Variants in PLAGL1 observed in about 807,000 individuals in gnomAD.
PLAGL1 encodes the protein zinc finger protein PLAGL1.
In PLAGL1, 1 loss-of-function variant was observed where a neutral mutation model predicts 4.6. That is an observed-to-expected ratio of 0.22 (90% confidence interval 0.08 to 1.03). PLAGL1 has a LOEUF of 1.03. Among genes scored for constraint, PLAGL1 ranks in the 50% least tolerant of loss-of-function variants. The pLI, the probability that PLAGL1 is intolerant of heterozygous loss-of-function variation, is 0.58. For missense variants in PLAGL1, 464 were observed against 570.4 expected (o/e 0.81, Z 1.90); for synonymous variants, 240 against 237.8 (o/e 1.01, Z -0.08).
Position 143,979,427 on chromosome 6 carries a change from C to T in PLAGL1, c.-544+5708G>A, listed in dbSNP as rs980932980. On this transcript the variant is annotated intron_variant, in intron 2 of 7. Coordinates refer to ENST00000674357, the MANE Select transcript of PLAGL1 (RefSeq NM_001317162.2). The surrounding 1 kb of genome is among the most constrained non-coding windows in gnomAD (Gnocchi z 4.6). ...CTAATTGCCTCAATTATTCTTTGTT[C>T]CTTTTCTTTCTTCTTTTGAATTGAT... Among the ~76,000 whole-genome samples, 7 of 151,844 alleles carry T rather than the reference C, an allele frequency of 4.6e-5. No homozygotes were observed. The highest frequency in any genetic ancestry group is 1.0e-4 in the Non-Finnish European group (7 of 67,894).
chr6:144,057,745 T>G (rs1237567587), intron 1 of PLAGL1, among the ~76,000 whole-genome samples: 2 of 149,930 alleles, frequency 1.3e-5, no homozygotes, highest in Non-Finnish European at 2.9e-5. Flanking sequence ...GCAAATGCCA[T>G]CCCATGCCTT....
In PLAGL1 at chr6:143,942,440, C is replaced by T; in HGVS notation, c.376G>A (p.Ala126Thr). 6.2e-7 allele frequency: 1 copy of T among 1,614,148 alleles called. No homozygotes were observed. Among genetic ancestry groups the T allele is most frequent in the Non-Finnish European group, 8.5e-7 (1 of 1,180,022 alleles). Residue 126 changes from alanine to threonine, a missense_variant, in exon 8 of 8, where the codon GCC becomes ACC. Coordinates refer to ENST00000674357, the MANE Select transcript of PLAGL1 (RefSeq NM_001317162.2). This position sits in a 1 kb window ranked among gnomAD's most constrained non-coding sequence, Gnocchi z 7.6. ...ACCTCGGTGCTCCCTAGCTCCAGGG[C>T]ACAGACCCCACAGGTGAGGTCCCCA... The part of the protein sequence containing the change: ...SSGDLTCGVC[A>T]LELGSTEVLL...
chr6:144,041,829 G>T (rs953282037), intron 1 of PLAGL1, among the ~76,000 whole-genome samples: 2 of 152,050 alleles, frequency 1.3e-5, no homozygotes, highest in Non-Finnish European at 2.9e-5. Flanking sequence ...CTATTTCTCC[G>T]CATCGTCTCC....
At position 143,953,787 on chromosome 6, in the gene PLAGL1, A is replaced by T. The variant is rs993212110; in HGVS notation, c.-324-5327T>A. Among the ~76,000 whole-genome samples the T allele has an allele frequency of 6.6e-6, 1 of 152,194 alleles. No individual in the cohort carries two copies. The highest frequency in any genetic ancestry group is 6.5e-5 in the Admixed American group (1 of 15,288). On this transcript the variant is annotated intron_variant, in intron 6 of 7. Transcript: ENST00000674357. The surrounding 1 kb of genome is among the most constrained non-coding windows in gnomAD (Gnocchi z 5.3). ...AGCCAGCATTAAGAGGCAACAAAAC[A>T]ACCTGCTATACCCTGAAGCATCTAC...
At chr6:144,025,190 T>G (rs1000315767) in intron 1 of PLAGL1, among the ~76,000 whole-genome samples, 1 of 152,146 alleles carries the variant, frequency 6.6e-6, no homozygotes, top group African/African-American at 2.4e-5. Context: ...AACCCCAGTC[T>G]AACCATAAGA....
rs1209453667 is a variant in PLAGL1 at position 143,948,938 on chromosome 6, C to T, written c.-324-478G>A. On this transcript the variant is annotated intron_variant, in intron 6 of 7. Transcript: ENST00000674357. The surrounding 1 kb of genome is among the most constrained non-coding windows in gnomAD (Gnocchi z 6.0). The stretch of plus-strand genomic sequence containing the variant: ...TGCTTATCACACCTGTTTAAACTTC[C>T]AGAGGATAAGAAATAATTTGTATAC... 6.6e-6 allele frequency among the ~76,000 whole-genome samples: 1 copy of T among 152,160 alleles called. No individual in the cohort carries two copies. Among genetic ancestry groups the T allele is most frequent in the Non-Finnish European group, 1.5e-5 (1 of 68,038 alleles).
Position 143,948,116 on chromosome 6 carries a change from C to T in PLAGL1, c.21G>A (p.Gln7=). 6.2e-7 allele frequency: 1 copy of T among 1,613,700 alleles called. No homozygotes were observed. Among genetic ancestry groups the T allele is most frequent in the East Asian group, 2.2e-5 (1 of 44,888 alleles). ...GGGTGAGGAACGTCTTGCCACATAA[C>T]TGGCAGGGGAACGTGGCCATGGGCT... MATFPC[Q]LCGKTFLTLE... The change falls in exon 7 of 8, where the codon CAG becomes CAA. Residue 7 remains glutamine (Q), a synonymous_variant. Transcript: ENST00000674357. The surrounding 1 kb of genome is among the most constrained non-coding windows in gnomAD (Gnocchi z 6.0).
chr6:144,055,354 G>T lies in PLAGL1; in HGVS notation c.-151+9114C>A, dbSNP rs1798889521. Among the ~76,000 whole-genome samples, 1 of 152,156 alleles carries T rather than the reference G, an allele frequency of 6.6e-6. No individual in the cohort carries two copies. Among genetic ancestry groups the T allele is most frequent in the African/African-American group, 2.4e-5 (1 of 41,424 alleles). On this transcript the variant is annotated intron_variant, in intron 1 of 3. Transcript: ENST00000437412. The surrounding 1 kb of genome is among the most constrained non-coding windows in gnomAD (Gnocchi z 5.0). ...CAGCACCAGAACCACAACCCACCAT[G>T]ACTTGCTGTGCTTGTTATACAAAAC...
rs562867427 is a variant in PLAGL1 at position 144,036,692 on chromosome 6, C to T, written c.-151+27776G>A. On this transcript the variant is annotated intron_variant, in intron 1 of 3. Transcript: ENST00000437412. This position sits in a 1 kb window ranked among gnomAD's most constrained non-coding sequence, Gnocchi z 5.1. ...GTGAGGCTTCTTCACTACTCAGGGA[C>T]GAAAGAAAGAGGAAAGAATGGAAAA... is the stretch of plus-strand genomic sequence containing the variant. The T allele has an allele frequency of 9.7e-5, 25 of 258,488 alleles. No homozygotes were observed. The highest frequency in any genetic ancestry group is 6.6e-4 in the South Asian group (17 of 25,822). The allele number at this position is 258,488 out of a possible 1,614,324, so 16.0% of individuals were successfully genotyped here. A position where few individuals can be genotyped will look rare whatever the true frequency, so the allele number is the denominator to read the frequency against.
chr6:143,971,824 G>A lies in PLAGL1; in HGVS notation c.-543-2846C>T, dbSNP rs1785478157. On this transcript the variant is annotated intron_variant, in intron 2 of 7. Transcript: ENST00000674357. The surrounding 1 kb of genome is among the most constrained non-coding windows in gnomAD (Gnocchi z 4.7). ...TTATCCATCTCAATCACTAAATTCG[G>A]TCAAGTAAAAGTCTACAAAATTCTA... Among the ~76,000 whole-genome samples, 1 of 152,162 alleles carries A rather than the reference G, an allele frequency of 6.6e-6. No individual in the cohort carries two copies. The highest frequency in any genetic ancestry group is 2.4e-5 in the African/African-American group (1 of 41,428).
At position 143,947,918 on chromosome 6, in the gene PLAGL1, G is replaced by T; in HGVS notation, c.152+67C>A. The T allele has an allele frequency of 7.4e-7, 1 of 1,347,268 alleles. No individual in the cohort carries two copies. Among genetic ancestry groups the T allele is most frequent in the Non-Finnish European group, 1.1e-6 (1 of 946,938 alleles). The allele number at this position is 1,347,268 out of a possible 1,614,324, so 83.5% of individuals were successfully genotyped here. ...TGTCCCTTTCCCCTTGCATCGTGTG[G>T]TCTGAGGGCTAGAAAAGCCATTTAA... On this transcript the variant is annotated intron_variant, in intron 7 of 7. Coordinates refer to ENST00000674357, the MANE Select transcript of PLAGL1 (RefSeq NM_001317162.2). The surrounding 1 kb of genome is among the most constrained non-coding windows in gnomAD (Gnocchi z 4.3).
In PLAGL1 at chr6:143,947,404, T is replaced by C. The variant is rs1162706640; in HGVS notation, c.152+581A>G. Among the ~76,000 whole-genome samples the C allele has an allele frequency of 6.6e-6, 1 of 152,268 alleles. No homozygotes were observed. The highest frequency in any genetic ancestry group is 2.4e-5 in the African/African-American group (1 of 41,474). ...TTTCTAGGATACTAAACGAATCATA[T>C]TTCTTCACTACTTATACACCTGAAT... On this transcript the variant is annotated intron_variant, in intron 7 of 7. Transcript: ENST00000674357. This position sits in a 1 kb window ranked among gnomAD's most constrained non-coding sequence, Gnocchi z 4.3.
chr6:144,062,855 T>A (rs1364046133), intron 1 of PLAGL1, among the ~76,000 whole-genome samples: 1 of 152,176 alleles, frequency 6.6e-6, no homozygotes, highest in Admixed American at 6.5e-5. Context: ...CATGCAGCCT[T>A]CAGACAGACC....
Position 143,941,917 on chromosome 6 carries a change from T to C in PLAGL1, c.899A>G (p.Asn300Ser). The C allele has an allele frequency of 2.5e-6, 4 of 1,611,492 alleles. No individual in the cohort carries two copies. Among genetic ancestry groups the C allele is most frequent in the African/African-American group, 2.7e-5 (2 of 74,938 alleles). Reference sequence around the variant, plus strand: ...GGTAGAAGTGGTGTTGTACTTGTGATTGGGAAGGGGTGGCGGAGGAGAGCC... The same window carrying C: ...GGTAGAAGTGGTGTTGTACTTGTGACTGGGAAGGGGTGGCGGAGGAGAGCC... ...SPGSPPPPLP[N>S]HKYNTTSTSY... Residue 300 changes from asparagine (N) to serine (S), a missense_variant, in exon 8 of 8, where the codon AAT (asparagine) becomes AGT (serine). By Grantham distance (46) the Asn-to-Ser change is conservative. Transcript: ENST00000674357. The surrounding 1 kb of genome is among the most constrained non-coding windows in gnomAD (Gnocchi z 6.0).
rs566821141 is a variant in PLAGL1, at chr6:144,023,535, G to A, written c.-151+40933C>T. On this transcript the variant is annotated intron_variant, in intron 1 of 3. Coordinates refer to the PLAGL1 transcript ENST00000437412. ...GCATAAAGACAAAAAGGAACTGCAC[G>A]AAAAATAAGCACCACACTCTAATTG... Among the ~76,000 whole-genome samples the A allele has an allele frequency of 1.7e-3, 253 of 152,220 alleles. 1 individual carries two copies. The highest frequency in any genetic ancestry group is 5.3e-3 in the African/African-American group (222 of 41,550).
rs1268730993 is a variant in PLAGL1 at position 144,048,303 on chromosome 6, C to T, written c.-151+16165G>A. The stretch of plus-strand genomic sequence containing the variant: ...ATCTAGCATTCTGGGATCTGGAGGA[C>T]AGTGGCCCTCTTCTCACAGCTCCAT... On this transcript the variant is annotated intron_variant, in intron 1 of 3. Transcript: ENST00000437412. This position sits in a 1 kb window ranked among gnomAD's most constrained non-coding sequence, Gnocchi z 4.8. 6.6e-6 allele frequency among the ~76,000 whole-genome samples: 1 copy of T among 152,164 alleles called. No individual in the cohort carries two copies. Among genetic ancestry groups the T allele is most frequent in the East Asian group, 1.9e-4 (1 of 5,198 alleles).
chr6:143,948,063 G>C lies in PLAGL1; in HGVS notation c.74C>G (p.Ser25Cys). The C allele has an allele frequency of 6.2e-7, 1 of 1,613,750 alleles. No homozygotes were observed. Among genetic ancestry groups the C allele is most frequent in the Non-Finnish European group, 8.5e-7 (1 of 1,179,630 alleles). The change falls in exon 7 of 8, where the codon TCC becomes TGC. Residue 25 changes from serine to cysteine, a missense_variant. Physicochemically the swap from Ser to Cys is moderately radical, Grantham distance 112. Coordinates refer to ENST00000674357, the MANE Select transcript of PLAGL1 (RefSeq NM_001317162.2). This position sits in a 1 kb window ranked among gnomAD's most constrained non-coding sequence, Gnocchi z 6.0. ...TLEKFTIHNY[S>C]HSRERPYKCV... is the part of the protein sequence containing the mutation. ...CTTGTACGGCCGCTCCCTGGAGTGG[G>C]AATAATTGTGAATCGTGAACTTCTC...
rs891675361 is a variant in PLAGL1, at chr6:144,050,192, A to C, written c.-151+14276T>G. On this transcript the variant is annotated intron_variant, in intron 1 of 3. Coordinates refer to the PLAGL1 transcript ENST00000437412. The surrounding 1 kb of genome is among the most constrained non-coding windows in gnomAD (Gnocchi z 4.3). ...AGGGAAATTGAGACCACCTAAGGGA[A>C]CAAGAGATTCACATTGCCCAGAACG... Among the ~76,000 whole-genome samples, 3 of 152,208 alleles carry C rather than the reference A, an allele frequency of 2.0e-5. No individual in the cohort carries two copies. The highest frequency in any genetic ancestry group is 2.9e-5 in the Non-Finnish European group (2 of 68,034).
chr6:143,942,694 A>G lies in PLAGL1; in HGVS notation c.153-31T>C. The G allele has an allele frequency of 6.4e-7, 1 of 1,564,002 alleles. No homozygotes were observed. Among genetic ancestry groups the G allele is most frequent in the Non-Finnish European group, 8.7e-7 (1 of 1,148,944 alleles). ...AGCAGAAGGAGAAATTTCACAATAG[A>G]GAGTTGTTTTAAGAGCTGAAGAAAG... On this transcript the variant is annotated intron_variant, in intron 7 of 7. Coordinates refer to ENST00000674357, the MANE Select transcript of PLAGL1 (RefSeq NM_001317162.2). This position sits in a 1 kb window ranked among gnomAD's most constrained non-coding sequence, Gnocchi z 7.6.
Sources: allele counts gnomAD v4.1 joint callset (sites outside exome capture counted in the v4.1 genomes callset), GRCh38; gene constraint gnomAD v4.1.1; non-coding constraint Gnocchi (gnomAD v3.1); transcripts MANE v1.5; gene names NCBI Gene and HGNC (gene_info 2026-07-23, HGNC 2026-07-21).